The following RUFY4 variants were observed in gnomAD, a reference collection of about 807,000 sequenced individuals.
The protein encoded by RUFY4 is RUN and FYVE domain-containing protein 4.
RUFY4 carries 73 observed loss-of-function variants against 69.0 expected under a neutral mutation model. The ratio of observed to expected loss-of-function variants is 1.06; its 90% CI spans 0.88 to 1.29. The LOEUF (loss-of-function observed/expected upper bound fraction) is 1.29. Ranked by LOEUF, RUFY4 falls within the 50% of genes most tolerant of loss-of-function variation. RUFY4 has a pLI of 0.00. For missense variants in RUFY4, 770 were observed against 705.6 expected (o/e 1.09, Z -1.03); for synonymous variants, 287 against 271.8 (o/e 1.06, Z -0.55).
exon 7 of RUFY4, chr2:218,075,285 A>C: frequency 6.2e-7 from 1 of 1,600,428 alleles, no homozygotes; most frequent in South Asian, 1.1e-5. Flanking sequence ...CCCCCAGAGC[A>C]TGTGGGAGCC....
At chr2:218,057,093 A>AG (rs1462921466) in intron 2 of RUFY4, among the ~76,000 whole-genome samples, 62 of 150,300 alleles carry the variant, frequency 4.1e-4, no homozygotes, top group Admixed American at 1.6e-3. Context: ...AAAAAAAAAA[A>AG]AGAGAGAGAG....
intron 2 of RUFY4, among the ~76,000 whole-genome samples, chr2:218,057,464 A>G (rs1689087684): frequency 6.6e-6 from 1 of 152,114 alleles, no homozygotes. Flanking sequence ...ATTCCACATT[A>G]TTTCTTGAAG....
At chr2:218,056,105 C>T (rs932474883) in intron 2 of RUFY4, among the ~76,000 whole-genome samples, 2 of 152,132 alleles carry the variant, frequency 1.3e-5, no homozygotes, top group Admixed American at 6.5e-5. Context: ...AGCTCACTCA[C>T]GGAATGCTAC....
At chr2:218,061,208 C>G (rs558580586) in intron 3 of RUFY4, 221 of 387,562 alleles carry the variant, frequency 5.7e-4, no homozygotes, top group Non-Finnish European at 9.7e-4. Flanking sequence ...AGATGACCAG[C>G]ATCGGCAGGG....
intron 3 of RUFY4, among the ~76,000 whole-genome samples, chr2:218,063,539 G>A (rs1022302482): frequency 7.2e-5 from 11 of 152,224 alleles, no homozygotes; most frequent in Non-Finnish European, 1.6e-4. Context: ...ATACCCAAGA[G>A]AATTGAAAGC....
intron 9 of RUFY4, among the ~76,000 whole-genome samples, chr2:218,084,958 G>A (rs145114609): frequency 0.021 from 3,169 of 152,268 alleles, 51 homozygotes; most frequent in South Asian, 0.061. Context: ...TGAGGCAGGA[G>A]AATCACTTGA....
chr2:218,070,717 C>T, intron 1 of RUFY4, 36 bp from the exon 4 acceptor site: 1 of 1,534,210 alleles, frequency 6.5e-7, no homozygotes, highest in South Asian at 1.2e-5. Flanking sequence ...GGGAGCCCCT[C>T]CCTCAGCGAC....
In RUFY4 at chr2:218,080,338, G is replaced by C. The variant is rs549133012; in HGVS notation, c.1356-2772G>C. The stretch of plus-strand genomic sequence containing the variant: ...AGAAGTCCCGTGCAGAGCACAGGCT[G>C]GGGGCAGAGGTGAGCCACAGCTGAC... On this transcript the variant is annotated intron_variant, in intron 8 of 10. Coordinates refer to ENST00000344321, the Ensembl canonical transcript of RUFY4. 1.6e-4 allele frequency among the ~76,000 whole-genome samples: 25 copies of C among 152,332 alleles called. No individual in the cohort carries two copies. The East Asian group carries it at 4.6e-3, about 28-fold the overall frequency.
chr2:218,067,485 C>T (rs1689368495), upstream of RUFY4, among the ~76,000 whole-genome samples: 1 of 152,180 alleles, frequency 6.6e-6, no homozygotes, highest in Admixed American at 6.5e-5. Context: ...TAGTGAGGGC[C>T]CAGGTGATGG....
exon 7 of RUFY4, chr2:218,075,598 G>A: frequency 6.6e-7 from 1 of 1,524,532 alleles, no homozygotes; most frequent in Non-Finnish European, 8.8e-7. Context: ...GGGGGCTCTA[G>A]CATCCTGGGG....
intron 2 of RUFY4, among the ~76,000 whole-genome samples, chr2:218,042,689 G>T (rs1574491663): frequency 9.7e-6 from 1 of 103,272 alleles, no homozygotes; most frequent in East Asian, 4.5e-4. Flanking sequence ...CTGTTGTAGT[G>T]ATTTTTCTGA....
At chr2:218,089,111 C>T (rs1040378974) in intron 9 of RUFY4, 141 bp from the exon 12 acceptor site, 5 of 655,030 alleles carry the variant, frequency 7.6e-6, no homozygotes, top group Non-Finnish European at 1.3e-5. Context: ...ATGTGATTCC[C>T]TCCATCACCC....
In RUFY4 at chr2:218,055,394, C is replaced by CA. The variant is rs74531758; in HGVS notation, c.-1157-3185dup. Among the ~76,000 whole-genome samples, 1,086 of 114,822 alleles carry CA rather than the reference C, an allele frequency of 9.5e-3. 3 individuals carry two copies. Among genetic ancestry groups the CA allele is most frequent in the Middle Eastern group, 0.025 (5 of 198 alleles). The allele number at this position is 114,822 out of a possible 152,430, so 75.3% of individuals were successfully genotyped here. A position where few individuals can be genotyped will look rare whatever the true frequency, so the allele number is the denominator to read the frequency against. On this transcript the variant is annotated intron_variant and NMD_transcript_variant, in intron 2 of 13. Transcript: ENST00000457754. ...TGGGCAACAGGGTGAGACCCTGTCT[C>CA]AAAAAAAAAAAAAAAATACAATCTA...
exon 7 of RUFY4, chr2:218,075,544 G>C: frequency 6.5e-7 from 1 of 1,542,348 alleles, no homozygotes; most frequent in Non-Finnish European, 8.7e-7. Context: ...CCCAGCCCCA[G>C]AGGGGCTGTA....
chr2:218,075,087 C>T lies in RUFY4; in HGVS notation c.601-6C>T. On this transcript the variant is annotated splice_polypyrimidine_tract_variant and splice_region_variant and intron_variant, in intron 6 of 10. Transcript: ENST00000344321. ...AGGGATGACTGGTTTTGGGTCCTCT[C>T]CACAGATCCCAGCCGCATATGGAGG... The T allele has an allele frequency of 6.6e-7, 1 of 1,511,168 alleles. No homozygotes were observed. Among genetic ancestry groups the T allele is most frequent in the Non-Finnish European group, 8.9e-7 (1 of 1,125,510 alleles). 93.6% of individuals were successfully genotyped at this position (1,511,168 alleles called of 1,614,324 possible).
Position 218,076,083 on chromosome 2 carries a change from A to G in RUFY4, c.1248+343A>G, listed in dbSNP as rs375532528. Among the ~76,000 whole-genome samples the G allele has an allele frequency of 9.2e-5, 14 of 152,106 alleles. No homozygotes were observed. The East Asian group carries it at 1.2e-3, about 13-fold the overall frequency. ...CTCATGATGGTAAGTCTCTTCCCGA[A>G]ATCTAAGTTCTACTGTTGCAGAGCC... On this transcript the variant is annotated intron_variant, in intron 7 of 10. Coordinates refer to ENST00000344321, the Ensembl canonical transcript of RUFY4.
chr2:218,088,968 C>A (rs1360467551), intron 9 of RUFY4, among the ~76,000 whole-genome samples: 1 of 149,602 alleles, frequency 6.7e-6, no homozygotes, highest in Middle Eastern at 3.2e-3. Flanking sequence ...TCTCTCCACC[C>A]CTCTCTCTCT....
At chr2:218,056,222 GGTT>G (rs1204685601) in intron 2 of RUFY4, among the ~76,000 whole-genome samples, 11 of 149,566 alleles carry the variant, frequency 7.4e-5, no homozygotes, top group African/African-American at 1.3e-4. Context: ...TATTGTTGCT[GGTT>G]GTTGTTTTTT....
At chr2:218,063,261 C>T (rs1022417202) in intron 3 of RUFY4, among the ~76,000 whole-genome samples, 3 of 152,174 alleles carry the variant, frequency 2.0e-5, no homozygotes, top group African/African-American at 7.2e-5. Flanking sequence ...GGTCCAAGTC[C>T]ATAACCTACC....
Sources: allele counts gnomAD v4.1 joint callset (sites outside exome capture counted in the v4.1 genomes callset), GRCh38; gene constraint gnomAD v4.1.1; transcripts MANE v1.5; gene names NCBI Gene and HGNC (gene_info 2026-07-23, HGNC 2026-07-21).